The following PTK2B variants were observed in gnomAD, a reference collection of about 807,000 sequenced individuals.
PTK2B encodes the protein protein-tyrosine kinase 2-beta.
Under a neutral mutation model 142.9 loss-of-function variants are expected in PTK2B, and 71 were observed. The ratio of observed to expected loss-of-function variants is 0.50; its 90% CI spans 0.41 to 0.61. The LOEUF (loss-of-function observed/expected upper bound fraction) is 0.61. Ranked by LOEUF, PTK2B falls within the 20% of genes least tolerant of loss-of-function variation. The pLI is 0.00. For synonymous variants in PTK2B, 519 were observed against 503.4 expected (o/e 1.03, Z -0.42); for missense variants, 1,105 against 1,320.4 (o/e 0.84, Z 2.53).
chr8:27,425,405 T>C (rs1810023036), intron 5 of PTK2B, among the ~76,000 whole-genome samples: 1 of 152,194 alleles, frequency 6.6e-6, no homozygotes, highest in Admixed American at 6.5e-5. Context: ...ATATTTTACT[T>C]ACTTTTTTCT....
At chr8:27,362,886 C>G (rs552564695) in intron 1 of PTK2B, among the ~76,000 whole-genome samples, 2 of 152,176 alleles carry the variant, frequency 1.3e-5, no homozygotes, top group African/African-American at 4.8e-5. Flanking sequence ...CACTCCCATG[C>G]GAAATCTTGA....
chr8:27,412,936 A>G (rs1481318512), intron 2 of PTK2B, among the ~76,000 whole-genome samples: 1 of 152,150 alleles, frequency 6.6e-6, no homozygotes, highest in Admixed American at 6.5e-5. Context: ...AATCTTATTC[A>G]ACCCCTTGAT....
At chr8:27,442,434 T>C (rs1438124668) in intron 21 of PTK2B, among the ~76,000 whole-genome samples, 1 of 152,112 alleles carries the variant, frequency 6.6e-6, no homozygotes, top group Non-Finnish European at 1.5e-5. Flanking sequence ...CATTAGCACA[T>C]ACCGGGGATG....
intron 9 of PTK2B, 67 bp downstream of exon 9, chr8:27,431,539 C>G: frequency 1.9e-6 from 3 of 1,587,024 alleles, no homozygotes; most frequent in East Asian, 4.5e-5. Context: ...TGCTGCCTCC[C>G]GCCCTGTCTG....
chr8:27,333,004 A>G (rs1803850815), intron 1 of PTK2B, among the ~76,000 whole-genome samples: 2 of 152,262 alleles, frequency 1.3e-5, no homozygotes, highest in African/African-American at 4.8e-5. Flanking sequence ...ATAATGTGCC[A>G]TAAAAGAGGC....
At chr8:27,349,257 G>C (rs992522868) in intron 1 of PTK2B, among the ~76,000 whole-genome samples, 7 of 152,036 alleles carry the variant, frequency 4.6e-5, no homozygotes, top group Non-Finnish European at 8.8e-5. Flanking sequence ...TTTGTTTTTT[G>C]GTCTTAACTG....
At chr8:27,350,990 AATATATATATATATATAT>A (rs1161548916) in intron 1 of PTK2B, among the ~76,000 whole-genome samples, 1 of 12,092 alleles carries the variant, frequency 8.3e-5, no homozygotes, top group Admixed American at 9.6e-4. Context: ...AAAAAAAAAA[AATATATATATATATATAT>A]ATATATATAT....
At chr8:27,376,409 G>C (rs1433918132) in intron 1 of PTK2B, among the ~76,000 whole-genome samples, 1 of 152,198 alleles carries the variant, frequency 6.6e-6, no homozygotes, top group Non-Finnish European at 1.5e-5. Context: ...GGCCTGGACT[G>C]GAATGATCTT....
intron 1 of PTK2B, among the ~76,000 whole-genome samples, chr8:27,373,078 G>A (rs1273778024): frequency 2.0e-5 from 3 of 152,130 alleles, no homozygotes; most frequent in Non-Finnish European, 4.4e-5. Context: ...TGGCCTATCG[G>A]CTTAGGCTCC....
At chr8:27,338,541 A>G (rs1287532016) in intron 1 of PTK2B, among the ~76,000 whole-genome samples, 1 of 152,206 alleles carries the variant, frequency 6.6e-6, no homozygotes, top group Non-Finnish European at 1.5e-5. Context: ...AAACCTATGG[A>G]AAGAAAGAAA....
At chr8:27,437,301 G>C in intron 16 of PTK2B, 95 bp downstream of exon 16, 1 of 1,533,528 alleles carries the variant, frequency 6.5e-7, no homozygotes, top group Non-Finnish European at 9.0e-7. Context: ...TGTTGGAGGA[G>C]GGGTTCCCGT....
intron 1 of PTK2B, among the ~76,000 whole-genome samples, chr8:27,346,962 C>A (rs1182893059): frequency 6.6e-6 from 1 of 152,202 alleles, no homozygotes; most frequent in African/African-American, 2.4e-5. Flanking sequence ...ACCGCATTAT[C>A]CCCTGATCTA....
rs971326651 is a variant in PTK2B, at chr8:27,456,319, C to T, written c.2814+1708C>T. Among the ~76,000 whole-genome samples the T allele has an allele frequency of 1.5e-4, 23 of 152,306 alleles. No homozygotes were observed. In the East Asian group the frequency reaches 4.0e-3, roughly 27 times the overall value. ...GCACGTGCTCACTTTGTGTCTCTGT[C>T]ACATTTTGGTAATTCTCACAATATT... On this transcript the variant is annotated intron_variant, in intron 30 of 30. Transcript: ENST00000346049.
intron 1 of PTK2B, among the ~76,000 whole-genome samples, chr8:27,354,511 C>T (rs1805285199): frequency 2.0e-5 from 3 of 152,170 alleles, no homozygotes; most frequent in Non-Finnish European, 4.4e-5. Flanking sequence ...TTGAGGTCAC[C>T]TGCAATCTAT....
chr8:27,320,439 C>T (rs576473634), intron 3 of PTK2B, among the ~76,000 whole-genome samples: 2 of 152,178 alleles, frequency 1.3e-5, no homozygotes, highest in Non-Finnish European at 2.9e-5. Context: ...CCTGCCACCC[C>T]GCTCCAGCTT....
chr8:27,400,732 A>G (rs2163175), intron 2 of PTK2B, among the ~76,000 whole-genome samples: 57,738 of 152,088 alleles, frequency 0.38, 11,569 homozygotes, highest in Middle Eastern at 0.5. Flanking sequence ...AAGGGAGGGC[A>G]TTCTGAGATT....
upstream of PTK2B, among the ~76,000 whole-genome samples, chr8:27,324,069 C>A (rs188601231): frequency 7.2e-5 from 11 of 152,218 alleles, no homozygotes; most frequent in African/African-American, 2.7e-4. Context: ...CATTTCCAAG[C>A]GCAAGAATAC....
At chr8:27,415,080 T>TTTTG (rs140566325) in intron 2 of PTK2B, among the ~76,000 whole-genome samples, 4 of 152,320 alleles carry the variant, frequency 2.6e-5, no homozygotes, top group African/African-American at 4.8e-5. Context: ...GGGGCTGTTT[T>TTTTG]TTTGTTTGTT....
chr8:27,340,604 C>T (rs965565912), intron 1 of PTK2B, among the ~76,000 whole-genome samples: 4 of 152,212 alleles, frequency 2.6e-5, no homozygotes, highest in African/African-American at 9.7e-5. Flanking sequence ...AATTTTTAAG[C>T]AGGGAAGAGA....
Sources: allele counts gnomAD v4.1 joint callset (sites outside exome capture counted in the v4.1 genomes callset), GRCh38; gene constraint gnomAD v4.1.1; transcripts MANE v1.5; gene names NCBI Gene and HGNC (gene_info 2026-07-23, HGNC 2026-07-21).